The following MTPN variants were observed in gnomAD, a reference collection of about 807,000 sequenced individuals.
The protein encoded by MTPN is myotrophin.
Under a neutral mutation model 13.5 loss-of-function variants are expected in MTPN, and 2 were observed. That is an observed-to-expected ratio of 0.15 (90% CI 0.06 to 0.47). The LOEUF (loss-of-function observed/expected upper bound fraction) is 0.47. Among genes scored for constraint, MTPN ranks in the 20% least tolerant of loss-of-function variants. The pLI, the probability that MTPN is intolerant of heterozygous loss-of-function variation, is 0.97. For synonymous variants in MTPN, 46 were observed against 51.7 expected (o/e 0.89, Z 0.48); for missense variants, 79 against 137.9 (o/e 0.57, Z 2.14).
At chr7:135,933,977 G>A (rs572271796) in intron 3 of MTPN, among the ~76,000 whole-genome samples, 20 of 152,212 alleles carry the variant, frequency 1.3e-4, no homozygotes, top group South Asian at 8.3e-4. Context: ...GCCACCATGA[G>A]AAGATATGAC....
intron 3 of MTPN, among the ~76,000 whole-genome samples, chr7:135,941,827 G>A (rs1050041590): frequency 2.6e-5 from 4 of 151,582 alleles, no homozygotes; most frequent in Admixed American, 2.0e-4. Flanking sequence ...AAGCACAAAC[G>A]AGCCTTCAAA....
intron 1 of MTPN, among the ~76,000 whole-genome samples, chr7:135,964,968 A>G (rs1190136897): frequency 6.6e-6 from 1 of 152,070 alleles, no homozygotes; most frequent in Non-Finnish European, 1.5e-5. Flanking sequence ...ATAAAGTTTT[A>G]TTGGAACTCA....
At chr7:135,976,936 C>T in intron 1 of MTPN, 93 bp downstream of exon 1, 2 of 708,746 alleles carry the variant, frequency 2.8e-6, no homozygotes, top group Non-Finnish European at 5.1e-6. Context: ...CTCCCGCCCA[C>T]CCCCATCCCC....
chr7:135,928,758 T>A lies in MTPN; in HGVS notation c.*1168A>T, dbSNP rs1798967635. The A allele has an allele frequency of 6.0e-6, 1 of 167,088 alleles. No individual in the cohort carries two copies. Among genetic ancestry groups the A allele is most frequent in the Non-Finnish European group, 1.5e-5 (1 of 68,122 alleles). 10.4% of individuals were successfully genotyped at this position (167,088 alleles called of 1,614,324 possible). On this transcript the variant is annotated 3_prime_UTR_variant, in exon 4 of 4. Coordinates refer to ENST00000393085, the MANE Select transcript of MTPN (RefSeq NM_145808.4). ...AGAATACATTTTGAAGTTGTCACACTTTATGTAATGCATGATTTATAAAAG... is the reference window on the plus strand; with the variant it reads ...AGAATACATTTTGAAGTTGTCACACATTATGTAATGCATGATTTATAAAAG...
intron 1 of MTPN, among the ~76,000 whole-genome samples, chr7:135,954,930 G>A (rs773578484): frequency 5.3e-5 from 8 of 152,278 alleles, no homozygotes; most frequent in South Asian, 2.1e-4. Context: ...GTGACAGAGC[G>A]AGACTCCATC....
intron 1 of MTPN, among the ~76,000 whole-genome samples, chr7:135,973,954 GTTGAAAGACT>G (rs529496312): frequency 4.0e-4 from 61 of 152,276 alleles, no homozygotes; most frequent in African/African-American, 1.5e-3. Context: ...CAAATGTAGT[GTTGAAAGACT>G]TTAAAATTGC....
chr7:135,946,113 A>C (rs1799284219), intron 3 of MTPN, among the ~76,000 whole-genome samples: 1 of 152,206 alleles, frequency 6.6e-6, no homozygotes, highest in African/African-American at 2.4e-5. Flanking sequence ...GACTACTGTA[A>C]ATGAACTCTG....
chr7:135,951,253 G>A (rs1423512338), intron 2 of MTPN, among the ~76,000 whole-genome samples: 1 of 152,046 alleles, frequency 6.6e-6, no homozygotes, highest in Non-Finnish European at 1.5e-5. Flanking sequence ...AACTCCCCAA[G>A]CTTTAGAACT....
At chr7:135,933,724 G>A (rs1799066418) in intron 3 of MTPN, among the ~76,000 whole-genome samples, 1 of 152,080 alleles carries the variant, frequency 6.6e-6, no homozygotes, top group Admixed American at 6.5e-5. Context: ...AACAGCCTGA[G>A]TTTTCCCCAG....
rs1173481423 is a variant in MTPN at position 135,977,227 on chromosome 7, G to C, written c.-127C>G. On this transcript the variant is annotated 5_prime_UTR_variant, in exon 1 of 4. Transcript: ENST00000393085. ...CCGGAGAGGAGAAGAAGAGAAGGAG[G>C]GTTAGGCTGCCAGGCGGGCGAGGCA... 1 of 949,812 alleles carries C rather than the reference G, an allele frequency of 1.1e-6. No individual in the cohort carries two copies. The highest frequency in any genetic ancestry group is 1.7e-6 in the Non-Finnish European group (1 of 604,832). 58.8% of individuals were successfully genotyped at this position (949,812 alleles called of 1,614,324 possible).
intron 3 of MTPN, among the ~76,000 whole-genome samples, chr7:135,949,720 A>G (rs527404039): frequency 6.6e-6 from 1 of 152,318 alleles, no homozygotes; most frequent in African/African-American, 2.4e-5. Context: ...GACACTACAA[A>G]GCATTAAAAT....
At chr7:135,961,472 G>C (rs1405579050) in intron 1 of MTPN, among the ~76,000 whole-genome samples, 1 of 151,732 alleles carries the variant, frequency 6.6e-6, no homozygotes, top group East Asian at 1.9e-4. Context: ...GAGGACTACA[G>C]AGAGAAACTA....
chr7:135,936,074 G>C (rs943594647), intron 3 of MTPN, among the ~76,000 whole-genome samples: 3 of 152,100 alleles, frequency 2.0e-5, no homozygotes, highest in African/African-American at 7.2e-5. Context: ...GGCACTGATT[G>C]TTTTACATAT....
intron 1 of MTPN, among the ~76,000 whole-genome samples, chr7:135,975,544 T>TTA (rs1035021480): frequency 3.9e-5 from 6 of 152,208 alleles, no homozygotes; most frequent in Non-Finnish European, 7.3e-5. Flanking sequence ...CTAAATACAT[T>TTA]GTGTTATTTT....
chr7:135,937,930 G>T (rs752875911), intron 3 of MTPN, among the ~76,000 whole-genome samples: 2 of 152,174 alleles, frequency 1.3e-5, no homozygotes, highest in Non-Finnish European at 2.9e-5. Context: ...TAACAATGAA[G>T]TATATAACTC....
chr7:135,967,363 G>T (rs554891139), intron 1 of MTPN, among the ~76,000 whole-genome samples: 9 of 152,036 alleles, frequency 5.9e-5, no homozygotes, highest in Non-Finnish European at 1.0e-4. Flanking sequence ...AAAACTTCAG[G>T]AAGAAGAAGA....
At chr7:135,930,551 A>G (rs868043450) in intron 3 of MTPN, among the ~76,000 whole-genome samples, 2 of 152,198 alleles carry the variant, frequency 1.3e-5, no homozygotes, top group African/African-American at 2.4e-5. Context: ...ATTGTAGGGA[A>G]ATATTCAGTG....
intron 3 of MTPN, among the ~76,000 whole-genome samples, chr7:135,937,486 C>T (rs1228000023): frequency 1.3e-5 from 2 of 151,908 alleles, no homozygotes; most frequent in African/African-American, 4.8e-5. Context: ...GGGATTGGTT[C>T]CTAACTCCCT....
At chr7:135,959,171 G>A (rs1799487584) in intron 1 of MTPN, among the ~76,000 whole-genome samples, 2 of 152,028 alleles carry the variant, frequency 1.3e-5, no homozygotes, top group Non-Finnish European at 2.9e-5. Flanking sequence ...CATCATTCTT[G>A]AAAGATACAT....
Sources: gnomAD v4.1 joint callset for allele counts (sites outside exome capture counted in the v4.1 genomes callset) on GRCh38, gnomAD v4.1.1 for gene constraint, MANE v1.5 for transcripts, NCBI Gene and HGNC (gene_info 2026-07-23, HGNC 2026-07-21) for gene names.